Variants in CPEB2 observed in about 807,000 individuals in gnomAD.
CPEB2 encodes cytoplasmic polyadenylation element-binding protein 2.
CPEB2 carries 56 observed loss-of-function variants against 93.6 expected under a neutral mutation model. The ratio of observed to expected loss-of-function variants is 0.60; its 90% CI spans 0.48 to 0.75. The LOEUF (loss-of-function observed/expected upper bound fraction) is 0.75, where lower values mean the gene tolerates loss of function less well. Ranked by LOEUF, CPEB2 falls within the 30% of genes least tolerant of loss-of-function variation. The probability of loss-of-function intolerance (pLI) is 0.00; values close to 1 mark genes in which losing one functional copy is unlikely to be tolerated. For synonymous variants in CPEB2, 764 were observed against 586.3 expected, an observed-to-expected ratio of 1.30 and a Z score of -4.38; for missense variants, 1,579 against 1,395.1, an observed-to-expected ratio of 1.13 and a Z score of -2.10.
chr4:15,009,421 A>G (rs1431216691), intron 3 of CPEB2, among the ~76,000 whole-genome samples: 4 of 152,238 alleles, frequency 2.6e-5, no homozygotes, highest in African/African-American at 4.8e-5. Context: ...GTCTTCACCT[A>G]GAAATGGTAG....
At chr4:15,004,911 G>C (rs1722586790) in intron 1 of CPEB2, 1 of 148,544 alleles carries the variant, frequency 6.7e-6, no homozygotes, top group African/African-American at 2.6e-5. Flanking sequence ...TGTCCAATGA[G>C]GGAAGGCGGA....
intron 10 of CPEB2, among the ~76,000 whole-genome samples, chr4:15,060,160 TGAGTG>T (rs758624825): frequency 1.4e-4 from 22 of 152,016 alleles, no homozygotes; most frequent in Non-Finnish European, 3.1e-4. Flanking sequence ...TTAAAGGTCT[TGAGTG>T]GAGGGAAACA....
chr4:15,003,026 T>TC lies in CPEB2; in HGVS notation c.357dup (p.Asp120ArgfsTer49), dbSNP rs757311727. Reference sequence around the variant, plus strand: ...TCGGGGGCGGCGGCCACGGAGAAACTCCCCGACCACCACCCCGGCGGCGGC... The same window carrying TC: ...TCGGGGGCGGCGGCCACGGAGAAACTCCCCCGACCACCACCCCGGCGGCGGC... On this transcript the variant is annotated frameshift_variant, in exon 1 of 12. Transcript: ENST00000538197. LOFTEE classifies it high-confidence loss of function. 6.7e-7 allele frequency: 1 copy of TC among 1,491,904 alleles called. No individual in the cohort carries two copies. The highest frequency in any genetic ancestry group is 1.3e-5 in the South Asian group (1 of 78,284). The allele number at this position is 1,491,904 out of a possible 1,614,324, so 92.4% of individuals were successfully genotyped here. A position where few individuals can be genotyped will look rare whatever the true frequency, so the allele number is the denominator to read the frequency against.
chr4:15,059,235 G>A lies in CPEB2; in HGVS notation c.2629G>A (p.Gly877Ser). Reference protein sequence around the residue: ...NLSDSDFVMDGSQPLDPRKTI... With the variant: ...NLSDSDFVMDSSQPLDPRKTI... ...AAGTGATAGTGATTTTGTAATGGAT[G>A]GTTCTCAGCCTTTGGATCCCCGAAA... The change falls in exon 10 of 12, where the codon GGT (glycine) becomes AGT (serine). Residue 877 changes from glycine (G) to serine (S), a missense_variant. Physicochemically the swap from Gly to Ser is moderately conservative, Grantham distance 56. Transcript: ENST00000538197. 6.2e-7 allele frequency: 1 copy of A among 1,612,308 alleles called. No individual in the cohort carries two copies. Among genetic ancestry groups the A allele is most frequent in the Non-Finnish European group, 8.5e-7 (1 of 1,178,798 alleles).
chr4:15,025,061 A>G (rs1366518292), intron 4 of CPEB2, among the ~76,000 whole-genome samples: 3 of 151,284 alleles, frequency 2.0e-5, no homozygotes, highest in Non-Finnish European at 4.4e-5. Context: ...TTTTAATATT[A>G]CCTCTTTTTG....
intron 1 of CPEB2, among the ~76,000 whole-genome samples, chr4:15,004,753 C>G (rs1419304611): frequency 6.6e-6 from 1 of 151,766 alleles, no homozygotes; most frequent in Non-Finnish European, 1.5e-5. Context: ...GGAGGGCCGC[C>G]GCCCCGGACC....
chr4:15,066,418 G>A lies in CPEB2; in HGVS notation c.*38G>A, dbSNP rs373089372. ...GGCCTCTGTTTAACAAGGAAAGAAAGGGTGCATGTGGCTTACTGTGTCTGA... is the reference window on the plus strand; with the variant it reads ...GGCCTCTGTTTAACAAGGAAAGAAAAGGTGCATGTGGCTTACTGTGTCTGA... On this transcript the variant is annotated 3_prime_UTR_variant, in exon 12 of 12. Coordinates refer to ENST00000538197, the MANE Select transcript of CPEB2 (RefSeq NM_001177382.2). 331 of 1,425,674 alleles carry A rather than the reference G, an allele frequency of 2.3e-4. No individual in the cohort carries two copies. The highest frequency in any genetic ancestry group is 2.7e-4 in the Admixed American group (14 of 51,114). 88.3% of individuals were successfully genotyped at this position (1,425,674 alleles called of 1,614,324 possible).
At chr4:15,009,583 G>A (rs1418559037) in intron 3 of CPEB2, among the ~76,000 whole-genome samples, 1 of 152,198 alleles carries the variant, frequency 6.6e-6, no homozygotes, top group Admixed American at 6.5e-5. Context: ...ATGCCTAGGA[G>A]ATGGTATGTT....
At chr4:15,018,378 G>C (rs1560222952) in intron 4 of CPEB2, among the ~76,000 whole-genome samples, 2 of 151,724 alleles carry the variant, frequency 1.3e-5, no homozygotes, top group African/African-American at 2.4e-5. Context: ...TAAGGAGCTT[G>C]AGAAGCTGAG....
intron 1 of CPEB2, among the ~76,000 whole-genome samples, 177 bp downstream of exon 1, chr4:15,004,512 C>T (rs1409237385): frequency 6.6e-6 from 1 of 152,106 alleles, no homozygotes; most frequent in African/African-American, 2.4e-5. Context: ...ACTCGGAACC[C>T]CAGCCCCCGG....
intron 3 of CPEB2, among the ~76,000 whole-genome samples, chr4:15,012,201 A>AC (rs1487374997): frequency 6.6e-6 from 1 of 152,062 alleles, no homozygotes; most frequent in Non-Finnish European, 1.5e-5. Flanking sequence ...AAAAGAATGG[A>AC]CTCTTGTATT....
At chr4:15,009,028 T>G (rs1361024295) in intron 3 of CPEB2, among the ~76,000 whole-genome samples, 1 of 152,210 alleles carries the variant, frequency 6.6e-6, no homozygotes, top group African/African-American at 2.4e-5. Context: ...TCAAATTACA[T>G]TTACACCTTT....
Position 15,003,851 on chromosome 4 carries a change from A to T in CPEB2, c.1178A>T (p.Gln393Leu). ...GTGCAGACCGCGTCGCCGCCACCCC[A>T]GCCCCAGCAGCCGCCGCCGACCCAG... ...WSVQTASPPP[Q>L]PQQPPPTQPQ... The change falls in exon 1 of 12, where the codon CAG (glutamine) becomes CTG (leucine). Residue 393 changes from glutamine to leucine, a missense_variant. Around this residue, in one of 2 missense-constraint regions of CPEB2, gnomAD observed 1,411 missense variants for 1,056.0 expected, o/e 1.34. Transcript: ENST00000538197. 1 of 841,580 alleles carries T rather than the reference A, an allele frequency of 1.2e-6. No individual in the cohort carries two copies. Among genetic ancestry groups the T allele is most frequent in the Non-Finnish European group, 1.6e-6 (1 of 637,556 alleles). The allele number at this position is 841,580 out of a possible 1,614,324, so 52.1% of individuals were successfully genotyped here. A position where few individuals can be genotyped will look rare whatever the true frequency, so the allele number is the denominator to read the frequency against.
rs1292195103 is a variant in CPEB2 at position 15,040,485 on chromosome 4, G to A, written c.2198G>A (p.Arg733Gln). Residue 733 changes from arginine (R) to glutamine (Q), a missense_variant and splice_region_variant, in exon 6 of 12, where the codon CGA becomes CAA. By Grantham distance (43) the Arg-to-Gln change is conservative (BLOSUM62 1). Coordinates refer to ENST00000538197, the MANE Select transcript of CPEB2 (RefSeq NM_001177382.2). ...GCAGCAAGGAGTTATGGGCGAAGAC[G>A]AGGTAATTCATTTCTGTTTGCTATG... is the stretch of plus-strand genomic sequence containing the variant. ...MLNARSYGRR[R>Q]GRSSLFPIDD... The A allele has an allele frequency of 5.9e-6, 9 of 1,536,344 alleles. No homozygotes were observed. Among genetic ancestry groups the A allele is most frequent in the South Asian group, 1.2e-5 (1 of 84,054 alleles).
At chr4:15,057,931 A>G (rs553229818) in intron 8 of CPEB2, among the ~76,000 whole-genome samples, 1 of 152,260 alleles carries the variant, frequency 6.6e-6, no homozygotes, top group African/African-American at 2.4e-5. Flanking sequence ...AAAGTCTAGA[A>G]CTTGGATTAA....
At chr4:15,054,909 GACTTT>G (rs561755875) in intron 8 of CPEB2, among the ~76,000 whole-genome samples, 67 of 152,226 alleles carry the variant, frequency 4.4e-4, no homozygotes, top group African/African-American at 1.5e-3. Context: ...CAAAGATTAA[GACTTT>G]ACTTTAAACA....
At chr4:15,054,047 A>T in intron 7 of CPEB2, 81 bp from the exon 8 acceptor site, 1 of 892,054 alleles carries the variant, frequency 1.1e-6, no homozygotes, top group Admixed American at 2.5e-5. Flanking sequence ...TAAATGTTAA[A>T]TCTTCATAGT....
intron 9 of CPEB2, 121 bp downstream of exon 9, chr4:15,058,660 CATCCAGATAATTT>C: frequency 1.5e-6 from 1 of 654,930 alleles, no homozygotes; most frequent in East Asian, 2.7e-5. Flanking sequence ...GTTTTTGAAA[CATCCAGATAATTT>C]ATAGCAGGAG....
At chr4:15,053,995 C>A (rs1354136005) in intron 7 of CPEB2, 133 bp from the exon 8 acceptor site, 3 of 559,788 alleles carry the variant, frequency 5.4e-6, no homozygotes, top group African/African-American at 3.9e-5. Flanking sequence ...GACATATTCC[C>A]AGTGTTTATA....
Sources: allele counts gnomAD v4.1 joint callset (sites outside exome capture counted in the v4.1 genomes callset), GRCh38; gene constraint gnomAD v4.1.1; regional missense constraint gnomAD v4.1.1; transcripts MANE v1.5; gene names NCBI Gene and HGNC (gene_info 2026-07-23, HGNC 2026-07-21).